RDX: variants seen among roughly 807,000 people sequenced by gnomAD.
RDX encodes the protein radixin.
RDX carries 32 observed loss-of-function variants against 83.7 expected under a neutral mutation model. That is an observed-to-expected ratio of 0.38 (90% CI 0.29 to 0.51). The LOEUF is 0.51. Ranked by LOEUF, RDX falls within the 20% of genes least tolerant of loss-of-function variation. The pLI is 0.87. For missense variants in RDX, 600 were observed against 689.9 expected (o/e 0.87, Z 1.46); for synonymous variants, 229 against 222.7 (o/e 1.03, Z -0.25).
chr11:110,276,889 A>C (rs1030235812), intron 2 of RDX, among the ~76,000 whole-genome samples: 1 of 152,202 alleles, frequency 6.6e-6, no homozygotes, highest in African/African-American at 2.4e-5. Flanking sequence ...TAGTGAATTA[A>C]TTTATTCCAC....
chr11:110,220,878 T>TAAAAAA (rs386374875), intron 14 of RDX, among the ~76,000 whole-genome samples: 7 of 109,334 alleles, frequency 6.4e-5, no homozygotes, highest in African/African-American at 2.4e-4. Context: ...ACAGCCTCTG[T>TAAAAAA]AAAAAAAAAA....
intron 1 of RDX, among the ~76,000 whole-genome samples, chr11:110,289,644 C>T (rs1284774218): frequency 1.3e-5 from 2 of 151,826 alleles, no homozygotes; most frequent in Admixed American, 6.6e-5. Flanking sequence ...TGACTGGGGG[C>T]GGTGGCTCAC....
At chr11:110,221,524 G>A (rs1209790440) in intron 14 of RDX, among the ~76,000 whole-genome samples, 7 of 151,598 alleles carry the variant, frequency 4.6e-5, no homozygotes, top group Admixed American at 4.6e-4. Context: ...CTTGAACCCA[G>A]GAGGTGGAAG....
chr11:110,264,734 C>T (rs1252173041), intron 4 of RDX, 45 bp downstream of exon 4: 2 of 1,377,264 alleles, frequency 1.5e-6, no homozygotes, highest in East Asian at 2.4e-5. Context: ...TTCATAACTT[C>T]AACTTAACAT....
intron 10 of RDX, 167 bp from the exon 11 acceptor site, chr11:110,237,819 G>T: frequency 2.5e-6 from 2 of 797,452 alleles, no homozygotes; most frequent in Non-Finnish European, 4.2e-6. Flanking sequence ...GTCTCGCTCT[G>T]TTGCCCAGGC....
At chr11:110,181,484 C>T (rs767837949) in intron 15 of RDX, among the ~76,000 whole-genome samples, 1 of 152,048 alleles carries the variant, frequency 6.6e-6, no homozygotes, top group Non-Finnish European at 1.5e-5. Context: ...TAATGCTCCT[C>T]TAAGGTCGTG....
chr11:110,260,731 C>T (rs1859768941), intron 5 of RDX, among the ~76,000 whole-genome samples: 1 of 152,116 alleles, frequency 6.6e-6, no homozygotes, highest in Non-Finnish European at 1.5e-5. Context: ...TGCTCAAGTC[C>T]CTGATATAAA....
In RDX at chr11:110,242,118, T is replaced by C. The variant is rs191530426; in HGVS notation, c.1091-4466A>G. ...GGATAGTGGTGATGGCTGCACAACA[T>C]TCCCAATATATTTTGCATCAGTGAA... On this transcript the variant is annotated intron_variant, in intron 10 of 13. Coordinates refer to ENST00000645495, the MANE Select transcript of RDX (RefSeq NM_002906.4). Among the ~76,000 whole-genome samples, 952 of 152,236 alleles carry C rather than the reference T, an allele frequency of 6.3e-3. 18 individuals carry two copies. The highest frequency in any genetic ancestry group is 0.02 in the African/African-American group (838 of 41,550).
At chr11:110,217,929 T>A (rs1270527274) in intron 14 of RDX, among the ~76,000 whole-genome samples, 1 of 152,264 alleles carries the variant, frequency 6.6e-6, no homozygotes. Flanking sequence ...TTATTTATGA[T>A]GATGTATTAA....
intron 5 of RDX, among the ~76,000 whole-genome samples, chr11:110,259,973 T>C (rs1283708794): frequency 6.6e-6 from 1 of 151,980 alleles, no homozygotes; most frequent in East Asian, 1.9e-4. Context: ...CAATACTCTA[T>C]GGTAACTGTT....
intron 9 of RDX, 22 bp downstream of exon 9, chr11:110,253,924 T>G: frequency 6.2e-7 from 1 of 1,611,308 alleles, no homozygotes; most frequent in Non-Finnish European, 8.5e-7. Context: ...CAATTAAAAG[T>G]GAAAGGTCAT....
chr11:110,260,519 G>A (rs1859759054), intron 5 of RDX, among the ~76,000 whole-genome samples: 1 of 152,160 alleles, frequency 6.6e-6, no homozygotes, highest in Non-Finnish European at 1.5e-5. Flanking sequence ...TTGGCTCACT[G>A]CAACCTCCGC....
chr11:110,233,461 C>A lies in RDX; in HGVS notation c.1363G>T (p.Asp455Tyr). 6.2e-6 allele frequency: 10 copies of A among 1,614,074 alleles called. No homozygotes were observed. The highest frequency in any genetic ancestry group is 1.1e-5 in the South Asian group (1 of 91,078). ...WQHKAFAAQE[D>Y]LEKTKEELKT... ...AACTCTTCTTTGGTCTTTTCCAAGT[C>A]TTCCTGGGCTGCAAAAGCCTGAACA... is the stretch of plus-strand genomic sequence containing the variant. The change falls in exon 13 of 14, where the codon GAC becomes TAC. Residue 455 changes from aspartate (D) to tyrosine (Y), a missense_variant. Coordinates refer to ENST00000645495, the MANE Select transcript of RDX (RefSeq NM_002906.4).
At chr11:110,254,132 T>C in intron 8 of RDX, 23 bp from the exon 9 acceptor site, 1 of 1,603,832 alleles carries the variant, frequency 6.2e-7, no homozygotes. Context: ...TATTCTGAAT[T>C]TAAAATCTTC....
At chr11:110,238,134 A>G (rs1311560110) in intron 10 of RDX, among the ~76,000 whole-genome samples, 1 of 152,208 alleles carries the variant, frequency 6.6e-6, no homozygotes, top group Non-Finnish European at 1.5e-5. Flanking sequence ...TTACTTATCT[A>G]AACTAATAAG....
rs749560840 is a variant in RDX, at chr11:110,258,091, T to C, written c.551+15A>G. 1.3e-6 allele frequency: 2 copies of C among 1,571,968 alleles called. No individual in the cohort carries two copies. Among genetic ancestry groups the C allele is most frequent in the Non-Finnish European group, 1.7e-6 (2 of 1,145,238 alleles). On this transcript the variant is annotated intron_variant, in intron 6 of 13. Coordinates refer to ENST00000645495, the MANE Select transcript of RDX (RefSeq NM_002906.4). ...GAAGGAAAAAAGAAAACATAGAAAA[T>C]AGCTACCCAAATACCTTAACATTCC...
intron 1 of RDX, among the ~76,000 whole-genome samples, chr11:110,289,762 T>TA: frequency 6.6e-6 from 1 of 151,696 alleles, no homozygotes. Context: ...ACTAAAAATA[T>TA]AAAAATTAGT....
downstream of RDX, among the ~76,000 whole-genome samples, chr11:110,229,288 A>G (rs1483901307): frequency 6.6e-6 from 1 of 152,008 alleles, no homozygotes; most frequent in Non-Finnish European, 1.5e-5. Context: ...CTTCCATACC[A>G]AAGAGGTATC....
intron 15 of RDX, among the ~76,000 whole-genome samples, chr11:110,186,015 T>A (rs1862980346): frequency 6.6e-6 from 1 of 152,182 alleles, no homozygotes; most frequent in South Asian, 2.1e-4. Context: ...CCCAAACCAA[T>A]GCATTTCCTA....
Sources: allele counts gnomAD v4.1 joint callset (sites outside exome capture counted in the v4.1 genomes callset), GRCh38; gene constraint gnomAD v4.1.1; transcripts MANE v1.5; gene names NCBI Gene and HGNC (gene_info 2026-07-23, HGNC 2026-07-21).